STARD9: variants seen among roughly 807,000 people sequenced by gnomAD.
STARD9 encodes the protein StAR related lipid transfer domain containing 9.
Under a neutral mutation model 399.8 loss-of-function variants are expected in STARD9, and 346 were observed. The ratio of observed to expected loss-of-function variants is 0.87; its 90% CI spans 0.79 to 0.95. The LOEUF (loss-of-function observed/expected upper bound fraction) is 0.95. Ranked by LOEUF, STARD9 falls within the 40% of genes least tolerant of loss-of-function variation. The probability of loss-of-function intolerance (pLI) is 0.00; values close to 1 mark genes in which losing one functional copy is unlikely to be tolerated. For synonymous variants in STARD9, 2,203 were observed against 2,143.5 expected, an observed-to-expected ratio of 1.03 and a Z score of -0.77; for missense variants, 5,832 against 5,667.5, an observed-to-expected ratio of 1.03 and a Z score of -0.93.
chr15:42,636,495 C>T (rs1404236848), intron 4 of STARD9, among the ~76,000 whole-genome samples: 12 of 152,058 alleles, frequency 7.9e-5, no homozygotes, highest in Admixed American at 4.6e-4. Context: ...GCATGAGAAT[C>T]GCTTGAACCC....
At chr15:42,619,777 G>T (rs914851139) in intron 3 of STARD9, among the ~76,000 whole-genome samples, 1 of 152,104 alleles carries the variant, frequency 6.6e-6, no homozygotes, top group Admixed American at 6.6e-5. Flanking sequence ...CTGCTGTGTG[G>T]CCTGGTTCCT....
chr15:42,701,730 C>T (rs1302605256), intron 26 of STARD9, among the ~76,000 whole-genome samples: 1 of 152,112 alleles, frequency 6.6e-6, no homozygotes, highest in Non-Finnish European at 1.5e-5. Context: ...CACGGTGGCT[C>T]ACGCCTGTAA....
Position 42,716,752 on chromosome 15 carries a change from A to G in STARD9, c.13360A>G (p.Asn4454Asp). 1 of 1,536,684 alleles carries G rather than the reference A, an allele frequency of 6.5e-7. No homozygotes were observed. The highest frequency in any genetic ancestry group is 1.7e-4 in the Middle Eastern group (1 of 5,982). ...ERGGHSAVRK[N>D]SAYSHRASLG... ...AGGAGGCCATTCTGCAGTGAGGAAG[A>G]ACTCTGCCTACAGTGAGTTGCGGGG... Residue 4454 changes from asparagine to aspartate, a missense_variant, in exon 27 of 33, where the codon AAC (asparagine) becomes GAC (aspartate). Around this residue, in one of 2 missense-constraint regions of STARD9, gnomAD observed 5,828 missense variants for 5,651.1 expected, o/e 1.03. Transcript: ENST00000290607.
Position 42,626,015 on chromosome 15 carries a change from A to G in STARD9, c.235-8841A>G, listed in dbSNP as rs1371493376. On this transcript the variant is annotated intron_variant, in intron 3 of 32. Coordinates refer to ENST00000290607, the MANE Select transcript of STARD9 (RefSeq NM_020759.3). ...CGGCTCACTGCAGCCTCTGCCTCCT[A>G]AGTTCGAGTTATTCTCCTGCCTCAG... 2.0e-5 allele frequency among the ~76,000 whole-genome samples: 3 copies of G among 151,070 alleles called. 1 individual carries two copies. The highest frequency in any genetic ancestry group is 3.0e-5 in the Non-Finnish European group (2 of 67,640).
intron 3 of STARD9, among the ~76,000 whole-genome samples, chr15:42,601,985 T>C (rs1283600522): frequency 6.6e-6 from 1 of 152,252 alleles, no homozygotes; most frequent in African/African-American, 2.4e-5. Flanking sequence ...TAGCTGGGAC[T>C]ACAGGTGCGT....
Position 42,688,662 on chromosome 15 carries a change from C to T in STARD9, c.7084C>T (p.Leu2362=), listed in dbSNP as rs2060618114. The change falls in exon 23 of 33, where the codon CTG becomes TTG. Residue 2362 remains leucine, a synonymous_variant. Transcript: ENST00000290607. ...AGGCATCTCTTCACTTGACTGTGTG[C>T]TGGATCTCACAATGTTGAAAATTCA... ...ALGISSLDCV[L]DLTMLKIHNS... 6.5e-7 allele frequency: 1 copy of T among 1,537,604 alleles called. No individual in the cohort carries two copies. The highest frequency in any genetic ancestry group is 8.7e-7 in the Non-Finnish European group (1 of 1,147,004).
At position 42,650,918 on chromosome 15, in the gene STARD9, A is replaced by T. The variant is rs2059749101; in HGVS notation, c.560-98A>T. The T allele has an allele frequency of 5.1e-6, 4 of 790,034 alleles. No homozygotes were observed. The East Asian group carries it at 1.2e-4, about 24-fold the overall frequency. The allele number at this position is 790,034 out of a possible 1,614,324, so 48.9% of individuals were successfully genotyped here. A position where few individuals can be genotyped will look rare whatever the true frequency, so the allele number is the denominator to read the frequency against. On this transcript the variant is annotated intron_variant, in intron 7 of 32. Transcript: ENST00000290607. ...CAGATTCCCTCATTTTTGTCTATTA[A>T]ACAATATGAAATAGGAATGATAAAG...
intron 21 of STARD9, among the ~76,000 whole-genome samples, chr15:42,681,843 C>A (rs575070902): frequency 6.6e-6 from 1 of 152,248 alleles, no homozygotes; most frequent in African/African-American, 2.4e-5. Context: ...CTCCTACTTA[C>A]TGCTCCTCAT....
chr15:42,638,405 C>T (rs1388232297), intron 6 of STARD9, among the ~76,000 whole-genome samples: 1 of 152,088 alleles, frequency 6.6e-6, no homozygotes, highest in African/African-American at 2.4e-5. Flanking sequence ...CAAGAAACAA[C>T]CTCTGTGGCT....
chr15:42,608,791 C>T (rs548514478), intron 3 of STARD9, among the ~76,000 whole-genome samples: 8 of 152,170 alleles, frequency 5.3e-5, no homozygotes, highest in African/African-American at 1.9e-4. Context: ...GTTTATCTTG[C>T]CTGAAGATCA....
chr15:42,597,623 ACCTCCTGAGTTCAAGCAATTCTCCG>A, intron 3 of STARD9, among the ~76,000 whole-genome samples: 1 of 150,982 alleles, frequency 6.6e-6, no homozygotes, highest in South Asian at 2.1e-4. Flanking sequence ...TGCAGCCTCC[ACCTCCTGAGTTCAAGCAATTCTCCG>A]CCTCAGCCTC....
At chr15:42,651,198 A>C in intron 8 of STARD9, 113 bp downstream of exon 8, 1 of 684,760 alleles carries the variant, frequency 1.5e-6, no homozygotes, top group Non-Finnish European at 2.3e-6. Flanking sequence ...GTGTGTAGAG[A>C]TGTTCACAAC....
chr15:42,608,867 G>A (rs2058789952), intron 3 of STARD9, among the ~76,000 whole-genome samples: 1 of 152,220 alleles, frequency 6.6e-6, no homozygotes, highest in Admixed American at 6.5e-5. Context: ...TTTAATTTTA[G>A]TCAACACTCA....
Position 42,695,123 on chromosome 15 carries a change from C to A in STARD9, c.12963-17C>A. 1 of 1,513,418 alleles carries A rather than the reference C, an allele frequency of 6.6e-7. No homozygotes were observed. Among genetic ancestry groups the A allele is most frequent in the South Asian group, 1.2e-5 (1 of 81,242 alleles). 93.7% of individuals were successfully genotyped at this position (1,513,418 alleles called of 1,614,324 possible). A position where few individuals can be genotyped will look rare whatever the true frequency, so the allele number is the denominator to read the frequency against. ...CACCCACCCACCATGTTCTTTCCAC[C>A]CCGTGATCTTCCTCAGGAGCCCAGA... On this transcript the variant is annotated splice_polypyrimidine_tract_variant and intron_variant, in intron 24 of 32. Transcript: ENST00000290607.
Position 42,674,504 on chromosome 15 carries a change from G to A in STARD9, c.1549+13G>A, listed in dbSNP as rs1249102235. 6.5e-7 allele frequency: 1 copy of A among 1,536,546 alleles called. No homozygotes were observed. Among genetic ancestry groups the A allele is most frequent in the Non-Finnish European group, 8.7e-7 (1 of 1,146,274 alleles). On this transcript the variant is annotated intron_variant, in intron 17 of 32. Coordinates refer to ENST00000290607, the MANE Select transcript of STARD9 (RefSeq NM_020759.3). ...GAACAGGACATTGGTAAGTGGCAGA[G>A]TATATGAGTCCAGCATTTTGGGGCT...
intron 13 of STARD9, among the ~76,000 whole-genome samples, chr15:42,664,456 A>C (rs1016908258): frequency 6.6e-6 from 1 of 152,152 alleles, no homozygotes; most frequent in Non-Finnish European, 1.5e-5. Flanking sequence ...TTCAACCTCC[A>C]GGGCTTAAGT....
chr15:42,706,927 A>C (rs1461661923), intron 26 of STARD9, among the ~76,000 whole-genome samples: 2 of 152,174 alleles, frequency 1.3e-5, no homozygotes, highest in African/African-American at 4.8e-5. Flanking sequence ...CTATTCTTGC[A>C]TTCCTGGAAT....
intron 3 of STARD9, among the ~76,000 whole-genome samples, chr15:42,593,876 G>A (rs6493053): frequency 0.58 from 88,372 of 151,250 alleles, 29,200 homozygotes; most frequent in East Asian, 0.74. Context: ...CTCCGTGTTA[G>A]CCAGAATGGT....
chr15:42,681,702 T>C, intron 21 of STARD9, 90 bp downstream of exon 21: 1 of 1,193,378 alleles, frequency 8.4e-7, no homozygotes. Flanking sequence ...TCTTTTGTTT[T>C]CTTTGTGATA....
Sources: allele counts gnomAD v4.1 joint callset (sites outside exome capture counted in the v4.1 genomes callset), GRCh38; gene constraint gnomAD v4.1.1; regional missense constraint gnomAD v4.1.1; transcripts MANE v1.5; gene names NCBI Gene and HGNC (gene_info 2026-07-23, HGNC 2026-07-21).